Variants in SLC44A5 observed in about 807,000 individuals in gnomAD.
SLC44A5 encodes the protein solute carrier family 44 member 5, also known as choline transporter-like protein 5.
SLC44A5 carries 57 observed loss-of-function variants against 101.8 expected under a neutral mutation model. The ratio of observed to expected loss-of-function variants is 0.56; its 90% confidence interval spans 0.45 to 0.70. The LOEUF is 0.70. SLC44A5 is among the 30% of genes least tolerant of loss of function. SLC44A5 has a pLI of 0.00. For synonymous variants in SLC44A5, 281 were observed against 290.9 expected, an observed-to-expected ratio of 0.97 and a Z score of 0.35; for missense variants, 737 against 853.1, an observed-to-expected ratio of 0.86 and a Z score of 1.70.
At chr1:75,518,346 A>G (rs903996925) in intron 2 of SLC44A5, among the ~76,000 whole-genome samples, 3 of 152,208 alleles carry the variant, frequency 2.0e-5, no homozygotes, top group Non-Finnish European at 2.9e-5. Context: ...ATAGGCATAT[A>G]TTGAATAATT....
chr1:75,651,898 C>A, the SLC44A5 span, among the ~76,000 whole-genome samples: 1 of 152,028 alleles, frequency 6.6e-6, no homozygotes, highest in South Asian at 2.1e-4. Context: ...CAGTTGTTAA[C>A]TATCTCTCTA....
chr1:75,601,504 C>T (rs1354174574), intron 1 of SLC44A5, among the ~76,000 whole-genome samples: 1 of 152,042 alleles, frequency 6.6e-6, no homozygotes, highest in Non-Finnish European at 1.5e-5. Context: ...GCACATTCTG[C>T]ACATGTACCC....
chr1:75,589,471 C>T (rs956419302), intron 1 of SLC44A5, among the ~76,000 whole-genome samples: 1 of 152,170 alleles, frequency 6.6e-6, no homozygotes, highest in African/African-American at 2.4e-5. Context: ...GAACTTTAGA[C>T]TTTTGAATAT....
At chr1:75,394,394 T>G (rs569973398) in intron 3 of SLC44A5, among the ~76,000 whole-genome samples, 3 of 152,242 alleles carry the variant, frequency 2.0e-5, no homozygotes, top group African/African-American at 7.2e-5. Context: ...AAACAATTCT[T>G]TTGAGTTTTA....
chr1:75,717,104 G>T, the SLC44A5 span, among the ~76,000 whole-genome samples: 4 of 152,098 alleles, frequency 2.6e-5, no homozygotes, highest in African/African-American at 9.6e-5. Flanking sequence ...GCCATGAAAA[G>T]AAATAAGATC....
chr1:75,495,561 G>A (rs1193665535), intron 2 of SLC44A5, among the ~76,000 whole-genome samples: 2 of 151,730 alleles, frequency 1.3e-5, no homozygotes, highest in East Asian at 3.9e-4. Flanking sequence ...AAACAGAAAA[G>A]TACCAGGTAT....
At chr1:75,396,304 A>T (rs1421161155) in intron 3 of SLC44A5, among the ~76,000 whole-genome samples, 2 of 152,182 alleles carry the variant, frequency 1.3e-5, no homozygotes, top group African/African-American at 4.8e-5. Context: ...GAAAGGAAGG[A>T]AAGAAGACAA....
the SLC44A5 span, among the ~76,000 whole-genome samples, chr1:75,689,620 A>G: frequency 6.6e-6 from 1 of 152,218 alleles, no homozygotes; most frequent in Non-Finnish European, 1.5e-5. Flanking sequence ...TTTGCACAGA[A>G]ATAAACCACA....
At chr1:75,694,911 C>T in the SLC44A5 span, among the ~76,000 whole-genome samples, 1 of 152,116 alleles carries the variant, frequency 6.6e-6, no homozygotes. Context: ...GGTTGGGACG[C>T]TCAGCATTTG....
chr1:75,416,139 T>C (rs1368767553), intron 2 of SLC44A5, among the ~76,000 whole-genome samples: 1 of 152,136 alleles, frequency 6.6e-6, no homozygotes, highest in African/African-American at 2.4e-5. Context: ...TGGCAGCCCC[T>C]CTTATCACAG....
chr1:75,431,871 T>C (rs1384417351), intron 2 of SLC44A5, among the ~76,000 whole-genome samples: 1 of 152,164 alleles, frequency 6.6e-6, no homozygotes, highest in Non-Finnish European at 1.5e-5. Flanking sequence ...TTCCTAGTAG[T>C]CAGAAAGTAA....
chr1:75,230,606 C>T (rs143251474), intron 12 of SLC44A5, among the ~76,000 whole-genome samples: 1 of 151,496 alleles, frequency 6.6e-6, no homozygotes, highest in East Asian at 2.0e-4. Context: ...TGTTCTATAT[C>T]TTTCTTTCTT....
At chr1:75,272,403 AT>A (rs201889496) in intron 6 of SLC44A5, among the ~76,000 whole-genome samples, 37 of 135,582 alleles carry the variant, frequency 2.7e-4, no homozygotes, top group African/African-American at 4.6e-4. Flanking sequence ...GTTTGCTTTT[AT>A]TTTTTTTTTA....
chr1:75,262,207 C>G (rs956568012), intron 6 of SLC44A5, among the ~76,000 whole-genome samples: 1 of 152,182 alleles, frequency 6.6e-6, no homozygotes, highest in African/African-American at 2.4e-5. Flanking sequence ...TCTCTGTTTG[C>G]AGATGACATG....
At chr1:75,554,247 C>T (rs1004002276) in intron 1 of SLC44A5, among the ~76,000 whole-genome samples, 3 of 151,974 alleles carry the variant, frequency 2.0e-5, no homozygotes, top group African/African-American at 7.2e-5. Context: ...GAGGCCAAGG[C>T]AGGCGAATCA....
At position 75,393,185 on chromosome 1, in the gene SLC44A5, G is replaced by C. The variant is rs1661908963; in HGVS notation, c.52+3398C>G. ...ATAAAATTTGAAATTCAAAGAATAA[G>C]ATAGAAAAATATCTAAACACTGTTT... On this transcript the variant is annotated intron_variant, in intron 3 of 23. Coordinates refer to ENST00000370859, the MANE Select transcript of SLC44A5 (RefSeq NM_001130058.2). 2.6e-5 allele frequency among the ~76,000 whole-genome samples: 4 copies of C among 152,210 alleles called. No homozygotes were observed. The South Asian group carries it at 8.3e-4, about 32-fold the overall frequency.
intron 4 of SLC44A5, among the ~76,000 whole-genome samples, chr1:75,325,241 C>A (rs892167892): frequency 1.3e-5 from 2 of 152,120 alleles, no homozygotes; most frequent in African/African-American, 4.8e-5. Context: ...GAAGAGGGCA[C>A]TGAGGACACC....
intron 1 of SLC44A5, among the ~76,000 whole-genome samples, chr1:75,570,152 C>G (rs1672999827): frequency 6.6e-6 from 1 of 152,194 alleles, no homozygotes; most frequent in Non-Finnish European, 1.5e-5. Context: ...AGAGCAAGCT[C>G]TACATCCAGA....
At chr1:75,223,064 A>C (rs905896483) in intron 13 of SLC44A5, among the ~76,000 whole-genome samples, 6 of 152,200 alleles carry the variant, frequency 3.9e-5, no homozygotes, top group Admixed American at 2.6e-4. Context: ...GAAATTTATA[A>C]ATCTTGAATT....
Sources: allele counts gnomAD v4.1 joint callset (sites outside exome capture counted in the v4.1 genomes callset), GRCh38; gene constraint gnomAD v4.1.1; transcripts MANE v1.5; gene names NCBI Gene and HGNC (gene_info 2026-07-23, HGNC 2026-07-21).